The following SPTA1 variants were observed in gnomAD, a reference collection of about 807,000 sequenced individuals.
The protein encoded by SPTA1 is spectrin alpha chain, erythrocytic 1.
Under a neutral mutation model 324.7 loss-of-function variants are expected in SPTA1, and 177 were observed. The observed-to-expected ratio is 0.55, with a 90% CI of 0.48 to 0.62. SPTA1 has a LOEUF of 0.62. Among genes scored for constraint, SPTA1 ranks in the 20% least tolerant of loss-of-function variants. The pLI is 0.00. For synonymous variants in SPTA1, 1,195 were observed against 1,041.3 expected, an observed-to-expected ratio of 1.15 and a Z score of -2.84; for missense variants, 3,162 against 2,883.6, an observed-to-expected ratio of 1.10 and a Z score of -2.21.
chr1:158,654,495 A>G, intron 21 of SPTA1, 116 bp downstream of exon 21: 5 of 1,417,556 alleles, frequency 3.5e-6, no homozygotes, highest in Non-Finnish European at 4.8e-6. Flanking sequence ...TAGTTATTCA[A>G]GAAATAAAAT....
intron 34 of SPTA1, 55 bp downstream of exon 34, chr1:158,639,815 G>A (rs1651397184): frequency 6.2e-7 from 1 of 1,613,382 alleles, no homozygotes; most frequent in Non-Finnish European, 8.5e-7. Flanking sequence ...AAATTCATTT[G>A]TCTGACAAGT....
intron 22 of SPTA1, among the ~76,000 whole-genome samples, chr1:158,652,965 CTGGCATAGTA>C (rs1652561927): frequency 6.6e-6 from 1 of 152,104 alleles, no homozygotes; most frequent in Non-Finnish European, 1.5e-5. Flanking sequence ...TATGAAAAGC[CTGGCATAGTA>C]AACAAAGTTC....
chr1:158,675,182 T>C (rs1444358235), intron 8 of SPTA1, among the ~76,000 whole-genome samples: 1 of 152,164 alleles, frequency 6.6e-6, no homozygotes, highest in Non-Finnish European at 1.5e-5. Flanking sequence ...CACAATCATA[T>C]GACAAGCACT....
In SPTA1 at chr1:158,678,657, C is replaced by T. The variant is rs376298565; in HGVS notation, c.679-123G>A. Reference sequence around the variant, plus strand: ...AGAAGTGAAAACTGACCATTGTAGCCAGACACTGAACTTCATCATAGCCCT... The same window carrying T: ...AGAAGTGAAAACTGACCATTGTAGCTAGACACTGAACTTCATCATAGCCCT... On this transcript the variant is annotated intron_variant, in intron 5 of 51. Transcript: ENST00000643759. 97 of 1,240,542 alleles carry T rather than the reference C, an allele frequency of 7.8e-5. No homozygotes were observed. The African/African-American group carries it at 1.2e-3, about 15-fold the overall frequency. The allele number at this position is 1,240,542 out of a possible 1,614,324, so 76.8% of individuals were successfully genotyped here.
intron 16 of SPTA1, 57 bp from the exon 17 acceptor site, chr1:158,663,002 G>T (rs1653351701): frequency 6.2e-7 from 1 of 1,609,566 alleles, no homozygotes; most frequent in Admixed American, 1.7e-5. Context: ...GGAAGTAATA[G>T]GAGTTTGTCA....
At chr1:158,620,673 T>C (rs989909096) in intron 43 of SPTA1, 9 of 554,222 alleles carry the variant, frequency 1.6e-5, no homozygotes, top group Admixed American at 9.9e-5. Context: ...CATTTTCTCA[T>C]TGTGTGAAAT....
chr1:158,676,212 A>T lies in SPTA1; in HGVS notation c.1041T>A (p.Asp347Glu), dbSNP rs371350304. ...DAPQIQEMKEDLVSSWEHIRA... is the reference protein window; with the variant it reads ...DAPQIQEMKEELVSSWEHIRA... ...GAATATGCTCCCAGCTGGAGACCAGATCTTCTTTCATCTCCTGGATCTGAG... is the reference window on the plus strand; with the variant it reads ...GAATATGCTCCCAGCTGGAGACCAGTTCTTCTTTCATCTCCTGGATCTGAG... The change falls in exon 8 of 52, where the codon GAT (aspartate) becomes GAA (glutamate). Residue 347 changes from aspartate (D) to glutamate (E), a missense_variant. Physicochemically the swap from Asp to Glu is conservative, Grantham distance 45. Transcript: ENST00000643759. 3.1e-6 allele frequency: 5 copies of T among 1,613,662 alleles called. No individual in the cohort carries two copies. The highest frequency in any genetic ancestry group is 1.1e-5 in the South Asian group (1 of 91,072).
At chr1:158,660,382 A>G (rs1373764495) in intron 18 of SPTA1, among the ~76,000 whole-genome samples, 5 of 152,212 alleles carry the variant, frequency 3.3e-5, no homozygotes, top group African/African-American at 4.8e-5. Flanking sequence ...GGCTTTTATT[A>G]GTTTACTAAA....
rs1362535241 is a variant in SPTA1 at position 158,627,135 on chromosome 1, G to C, written c.5665-128C>G. Reference sequence around the variant, plus strand: ...TAACCAAGTGTGACCGTCTTAGTTTGTGTAAGTTTCTAGGAGGTAGGGAGT... The same window carrying C: ...TAACCAAGTGTGACCGTCTTAGTTTCTGTAAGTTTCTAGGAGGTAGGGAGT... On this transcript the variant is annotated intron_variant, in intron 40 of 51. Coordinates refer to ENST00000643759, the MANE Select transcript of SPTA1 (RefSeq NM_003126.4). 4.0e-6 allele frequency: 5 copies of C among 1,259,218 alleles called. No homozygotes were observed. The African/African-American group carries it at 7.4e-5, about 19-fold the overall frequency. The allele number at this position is 1,259,218 out of a possible 1,614,324, so 78.0% of individuals were successfully genotyped here.
Position 158,662,876 on chromosome 1 carries a change from T to C in SPTA1, c.2290A>G (p.Ile764Val). The C allele has an allele frequency of 1.2e-6, 2 of 1,614,128 alleles. No homozygotes were observed. The highest frequency in any genetic ancestry group is 1.7e-6 in the Non-Finnish European group (2 of 1,179,978). Reference protein sequence around the residue: ...EEIGHPDSKDIRARQESLVCR... With the variant: ...EEIGHPDSKDVRARQESLVCR... ...ACCAAGGACTCTTGCCTTGCCCTTA[T>C]ATCCTTAGAATCAGGATGGCCTATT... The change falls in exon 17 of 52, where the codon ATA (isoleucine) becomes GTA (valine). Residue 764 changes from isoleucine to valine, a missense_variant. Ile to Val is a conservative substitution (Grantham distance 29). Transcript: ENST00000643759.
intron 39 of SPTA1, 115 bp downstream of exon 39, chr1:158,634,428 C>T (rs1455622810): frequency 7.0e-7 from 1 of 1,436,814 alleles, no homozygotes; most frequent in Admixed American, 1.7e-5. Flanking sequence ...ATTCGTATTT[C>T]CTTCATCTTC....
In SPTA1 at chr1:158,669,892, A is replaced by G. The variant is rs971629916; in HGVS notation, c.1600-106T>C. On this transcript the variant is annotated intron_variant, in intron 12 of 51. Transcript: ENST00000643759. The stretch of plus-strand genomic sequence containing the variant: ...AGATGAAGAACAGCAATGTGGGAGG[A>G]GAAGTTTGAAGGCCAGCAGATGTAA... 6 of 1,053,416 alleles carry G rather than the reference A, an allele frequency of 5.7e-6. No individual in the cohort carries two copies. The African/African-American group carries it at 9.4e-5, about 16-fold the overall frequency. 65.3% of individuals were successfully genotyped at this position (1,053,416 alleles called of 1,614,324 possible).
rs1313674390 is a variant in SPTA1, at chr1:158,674,580, G to A, written c.1208C>T (p.Ala403Val). 6.2e-7 allele frequency: 1 copy of A among 1,614,036 alleles called. No individual in the cohort carries two copies. ...INADELPTDV[A>V]GGEVLLDRHQ... ...CCTGTCCAGCAGAACTTCTCCACCA[G>A]CCACATCTGTTGGCAGCTCATCAGC... The change falls in exon 9 of 52, where the codon GCT (alanine) becomes GTT (valine). Residue 403 changes from alanine to valine, a missense_variant. Coordinates refer to ENST00000643759, the MANE Select transcript of SPTA1 (RefSeq NM_003126.4).
At chr1:158,611,416 C>T in intron 51 of SPTA1, 27 bp from the exon 52 acceptor site, 3 of 1,612,456 alleles carry the variant, frequency 1.9e-6, no homozygotes, top group Non-Finnish European at 2.5e-6. Flanking sequence ...GAGAAAAATA[C>T]AGTTATAGGG....
chr1:158,616,224 T>C (rs1349524837), intron 47 of SPTA1, among the ~76,000 whole-genome samples: 1 of 152,232 alleles, frequency 6.6e-6, no homozygotes, highest in Non-Finnish European at 1.5e-5. Flanking sequence ...TCTATTACCT[T>C]AAATATTTGT....
intron 15 of SPTA1, among the ~76,000 whole-genome samples, chr1:158,667,314 A>G (rs936049297): frequency 1.3e-5 from 2 of 152,250 alleles, no homozygotes; most frequent in Non-Finnish European, 2.9e-5. Context: ...AGGGTAAAAT[A>G]TAAGTGAAGA....
chr1:158,669,655 C>T, intron 13 of SPTA1, 54 bp downstream of exon 13: 1 of 1,614,048 alleles, frequency 6.2e-7, no homozygotes, highest in Non-Finnish European at 8.5e-7. Context: ...CCCACCAAAA[C>T]TCTTCTTGAT....
At chr1:158,642,746 G>T in intron 32 of SPTA1, 68 bp downstream of exon 32, 2 of 1,610,216 alleles carry the variant, frequency 1.2e-6, no homozygotes, top group Non-Finnish European at 8.5e-7. Context: ...AAAGTATCAA[G>T]GGTGATGACT....
intron 7 of SPTA1, 65 bp downstream of exon 7, chr1:158,677,625 G>A (rs991247174): frequency 7.5e-5 from 120 of 1,595,368 alleles, no homozygotes; most frequent in Non-Finnish European, 9.5e-5. Flanking sequence ...ACGGTAATAG[G>A]CAAGATAATC....
Sources: gnomAD v4.1 joint callset for allele counts (sites outside exome capture counted in the v4.1 genomes callset) on GRCh38, gnomAD v4.1.1 for gene constraint, MANE v1.5 for transcripts, NCBI Gene and HGNC (gene_info 2026-07-23, HGNC 2026-07-21) for gene names.